SNTG2: variants seen among roughly 807,000 people sequenced by gnomAD.
The protein encoded by SNTG2 is syntrophin gamma 2, also known as gamma-2-syntrophin.
SNTG2 carries 74 observed loss-of-function variants against 70.9 expected under a neutral mutation model. The observed-to-expected ratio is 1.04, with a 90% CI of 0.86 to 1.27. The LOEUF is 1.27. Ranked by LOEUF, SNTG2 falls within the 50% of genes most tolerant of loss-of-function variation. SNTG2 has a pLI of 0.00. For missense variants in SNTG2, 717 were observed against 690.7 expected (o/e 1.04, Z -0.43); for synonymous variants, 278 against 273.8 (o/e 1.02, Z -0.15).
intron 4 of SNTG2, among the ~76,000 whole-genome samples, chr2:1,114,090 G>A (rs1666740508): frequency 6.6e-6 from 1 of 151,278 alleles, no homozygotes; most frequent in Non-Finnish European, 1.5e-5. Flanking sequence ...TGTGTACTAA[G>A]TGAGGGTTAA....
chr2:1,350,934 A>G (rs1469687974), intron 16 of SNTG2, among the ~76,000 whole-genome samples: 1 of 152,020 alleles, frequency 6.6e-6, no homozygotes, highest in Non-Finnish European at 1.5e-5. Context: ...TTATCAGAAA[A>G]TGTCTTCCCA....
At chr2:982,693 G>A (rs1442781585) in intron 1 of SNTG2, among the ~76,000 whole-genome samples, 1 of 152,232 alleles carries the variant, frequency 6.6e-6, no homozygotes, top group African/African-American at 2.4e-5. Flanking sequence ...CCCGTGGGCA[G>A]GGCCCCTGTC....
chr2:1,299,021 G>A (rs1197510101), intron 14 of SNTG2, among the ~76,000 whole-genome samples: 3 of 152,132 alleles, frequency 2.0e-5, no homozygotes, highest in Non-Finnish European at 4.4e-5. Flanking sequence ...CCTATTGTGG[G>A]ACCCTGTGAT....
chr2:1,248,550 C>T (rs1677571590), intron 12 of SNTG2, among the ~76,000 whole-genome samples: 1 of 152,210 alleles, frequency 6.6e-6, no homozygotes, highest in African/African-American at 2.4e-5. Context: ...TGACTGAATT[C>T]CCCTCAAAAC....
At chr2:1,233,793 C>T (rs1676422050) in intron 9 of SNTG2, among the ~76,000 whole-genome samples, 1 of 152,102 alleles carries the variant, frequency 6.6e-6, no homozygotes, top group Non-Finnish European at 1.5e-5. Flanking sequence ...TCTCTAAGGG[C>T]ACGAGGAAAC....
chr2:1,011,929 T>A (rs1328769758), intron 1 of SNTG2, among the ~76,000 whole-genome samples: 1 of 152,240 alleles, frequency 6.6e-6, no homozygotes, highest in African/African-American at 2.4e-5. Context: ...TATATAGGCA[T>A]GCATTTCTTC....
At chr2:1,228,461 C>T (rs978483394) in intron 9 of SNTG2, among the ~76,000 whole-genome samples, 1 of 152,234 alleles carries the variant, frequency 6.6e-6, no homozygotes, top group African/African-American at 2.4e-5. Context: ...CATGCCTGCA[C>T]ACCCAGGCTC....
At chr2:1,020,061 C>T (rs1404417065) in intron 1 of SNTG2, among the ~76,000 whole-genome samples, 1 of 152,116 alleles carries the variant, frequency 6.6e-6, no homozygotes, top group African/African-American at 2.4e-5. Flanking sequence ...ACAACAAGAA[C>T]AACACAGAAA....
intron 8 of SNTG2, among the ~76,000 whole-genome samples, chr2:1,175,958 G>A (rs889506120): frequency 6.6e-6 from 1 of 152,172 alleles, no homozygotes; most frequent in African/African-American, 2.4e-5. Context: ...CAGTTCTCCT[G>A]GTTCTCCCAG....
rs1234449004 is a variant in SNTG2, at chr2:1,239,775, A to G, written c.887A>G (p.Gln296Arg). ...AACAAATGCTGCTCTCCTTCCGACC[A>G]GGTAGGGTTTGTATTTTCTGCTTCA... Reference protein sequence around the residue: ...MANKCCSPSDQVVHMGWVNEK... With the variant: ...MANKCCSPSDRVVHMGWVNEK... The change falls in exon 11 of 17, where the codon CAG becomes CGG. Residue 296 changes from glutamine (Q) to arginine (R), a missense_variant and splice_region_variant. Transcript: ENST00000308624. 1.2e-6 allele frequency: 2 copies of G among 1,613,256 alleles called. No individual in the cohort carries two copies. Among genetic ancestry groups the G allele is most frequent in the Non-Finnish European group, 8.5e-7 (1 of 1,179,706 alleles).
At chr2:1,005,814 T>C (rs1450524722) in intron 1 of SNTG2, among the ~76,000 whole-genome samples, 1 of 892 alleles carries the variant, frequency 1.1e-3, no homozygotes, top group South Asian at 0.045. Flanking sequence ...AAAATATATA[T>C]ATATATATAT....
chr2:1,008,050 A>T (rs1659623013), intron 1 of SNTG2, among the ~76,000 whole-genome samples: 1 of 152,024 alleles, frequency 6.6e-6, no homozygotes. Context: ...ACAACACCCG[A>T]CCAGGTTTTT....
intron 1 of SNTG2, among the ~76,000 whole-genome samples, chr2:1,035,471 C>T (rs901728546): frequency 6.6e-6 from 1 of 152,210 alleles, no homozygotes; most frequent in Admixed American, 6.5e-5. Context: ...TATTTCCCTC[C>T]ATTTGTTCTA....
intron 6 of SNTG2, among the ~76,000 whole-genome samples, chr2:1,156,001 G>T (rs566733840): frequency 4.6e-5 from 7 of 152,312 alleles, no homozygotes; most frequent in African/African-American, 1.7e-4. Flanking sequence ...GCCAGGCCAG[G>T]ACACCGCAGA....
chr2:1,290,314 A>G (rs6605276), intron 14 of SNTG2, among the ~76,000 whole-genome samples: 81,327 of 148,692 alleles, frequency 0.55, 22,683 homozygotes, highest in African/African-American at 0.65. Context: ...GAAGTTCTAC[A>G]TCCTTTTTTT....
chr2:1,005,024 A>C (rs919034813), intron 1 of SNTG2, among the ~76,000 whole-genome samples: 2 of 152,180 alleles, frequency 1.3e-5, no homozygotes, highest in African/African-American at 2.4e-5. Context: ...ATGAACTATC[A>C]AGCCACAAAA....
In SNTG2 at chr2:985,319, G is replaced by A. The variant is rs563579043; in HGVS notation, c.72+34251G>A. On this transcript the variant is annotated intron_variant, in intron 1 of 16. Transcript: ENST00000308624. The stretch of plus-strand genomic sequence containing the variant: ...TTTTTTTTTGGCAAATTTAGAAACT[G>A]GTGAGAAAACGTTTCATGCTAGAGC... 1.1e-4 allele frequency among the ~76,000 whole-genome samples: 17 copies of A among 152,010 alleles called. No homozygotes were observed. In the South Asian group the frequency reaches 3.5e-3, roughly 32 times the overall value.
chr2:1,166,523 C>T (rs1025506781), intron 7 of SNTG2, among the ~76,000 whole-genome samples: 10 of 152,276 alleles, frequency 6.6e-5, no homozygotes, highest in East Asian at 5.8e-4. Context: ...TCTCCTGCCC[C>T]GAGTGGCCCG....
At chr2:1,109,827 T>G (rs1055921442) in intron 4 of SNTG2, among the ~76,000 whole-genome samples, 11 of 152,190 alleles carry the variant, frequency 7.2e-5, no homozygotes, top group Admixed American at 6.5e-4. Context: ...GGGAGACAAA[T>G]GGGACAATTA....
Sources: gnomAD v4.1 joint callset for allele counts (sites outside exome capture counted in the v4.1 genomes callset) on GRCh38, gnomAD v4.1.1 for gene constraint, MANE v1.5 for transcripts, NCBI Gene and HGNC (gene_info 2026-07-23, HGNC 2026-07-21) for gene names.